Variants in WDPCP observed in about 807,000 individuals in gnomAD.
The protein encoded by WDPCP is WD repeat containing planar cell polarity effector.
A neutral mutation model predicts 93.1 loss-of-function variants in WDPCP; 71 were observed. The observed-to-expected ratio is 0.76, with a 90% CI of 0.63 to 0.93. The LOEUF is 0.93. WDPCP is among the 40% of genes least tolerant of loss of function. The probability of loss-of-function intolerance (pLI) is 0.00; values close to 1 mark genes in which losing one functional copy is unlikely to be tolerated. For missense variants in WDPCP, 844 were observed against 887.4 expected (o/e 0.95, Z 0.62); for synonymous variants, 315 against 315.0 (o/e 1.00, Z 0.00).
At chr2:63,433,500 TC>T (rs765292182) in intron 9 of WDPCP, among the ~76,000 whole-genome samples, 19 of 152,170 alleles carry the variant, frequency 1.2e-4, no homozygotes, top group Non-Finnish European at 2.1e-4. Flanking sequence ...AGTAACTTGG[TC>T]AAGGACAGGA....
chr2:63,417,640 G>A (rs35373261), intron 9 of WDPCP, among the ~76,000 whole-genome samples: 210 of 150,942 alleles, frequency 1.4e-3, no homozygotes, highest in Non-Finnish European at 2.4e-3. Context: ...TCTGCACAGG[G>A]AAATGTTTAT....
At chr2:63,577,947 T>C (rs1347803128) in intron 1 of WDPCP, among the ~76,000 whole-genome samples, 1 of 152,222 alleles carries the variant, frequency 6.6e-6, no homozygotes, top group South Asian at 2.1e-4. Context: ...ACAGGAAATC[T>C]TCAAAGGTAA....
At chr2:63,409,419 T>G (rs1450684921) in intron 9 of WDPCP, among the ~76,000 whole-genome samples, 1 of 152,100 alleles carries the variant, frequency 6.6e-6, no homozygotes, top group Non-Finnish European at 1.5e-5. Flanking sequence ...CCCTAGACCT[T>G]CCGTCTGACG....
chr2:63,266,846 G>A (rs528144961), intron 13 of WDPCP, among the ~76,000 whole-genome samples: 1 of 152,072 alleles, frequency 6.6e-6, no homozygotes, highest in East Asian at 1.9e-4. Context: ...ATAAATAAAT[G>A]GAAAGATATC....
chr2:63,470,039 C>T (rs948519374), intron 6 of WDPCP, among the ~76,000 whole-genome samples: 1 of 152,056 alleles, frequency 6.6e-6, no homozygotes, highest in Non-Finnish European at 1.5e-5. Context: ...TCCAGGACAC[C>T]ACACTCCCTT....
chr2:63,293,532 T>G (rs1684603920), intron 13 of WDPCP, among the ~76,000 whole-genome samples: 1 of 149,904 alleles, frequency 6.7e-6, no homozygotes, highest in Non-Finnish European at 1.5e-5. Context: ...GAGGAAAAAA[T>G]AAACAGAAAC....
intron 14 of WDPCP, among the ~76,000 whole-genome samples, chr2:63,178,073 C>T (rs985347136): frequency 2.0e-5 from 3 of 152,074 alleles, no homozygotes; most frequent in Non-Finnish European, 4.4e-5. Flanking sequence ...GTAAATTTTA[C>T]TTGATCATGG....
chr2:63,495,392 G>A (rs868696787), intron 1 of WDPCP, among the ~76,000 whole-genome samples: 1 of 152,114 alleles, frequency 6.6e-6, no homozygotes, highest in African/African-American at 2.4e-5. Context: ...TTAGTTTTAT[G>A]AGGCTTATTT....
chr2:63,617,551 G>A (rs262492), intron 3 of WDPCP, among the ~76,000 whole-genome samples: 122,987 of 152,104 alleles, frequency 0.81, 50,083 homozygotes, highest in East Asian at 0.98. Flanking sequence ...GAAAGGAATA[G>A]GGGTTTGGGG....
intron 10 of WDPCP, chr2:63,403,709 C>G (rs1028973183): frequency 5.4e-6 from 1 of 184,688 alleles, no homozygotes. Flanking sequence ...CAGAATTTTT[C>G]AATGGACAAA....
At chr2:63,321,660 G>A (rs1025617775) in intron 12 of WDPCP, among the ~76,000 whole-genome samples, 4 of 152,060 alleles carry the variant, frequency 2.6e-5, no homozygotes, top group Non-Finnish European at 5.9e-5. Context: ...ATTGTAGAGT[G>A]ACTTTCTTTG....
intron 2 of WDPCP, among the ~76,000 whole-genome samples, chr2:63,747,122 T>C (rs926598350): frequency 2.0e-5 from 3 of 152,136 alleles, no homozygotes; most frequent in African/African-American, 7.2e-5. Flanking sequence ...CCTGATAAAA[T>C]GTCTGGTCCT....
At chr2:63,311,504 G>A (rs924855517) in intron 13 of WDPCP, among the ~76,000 whole-genome samples, 2 of 152,146 alleles carry the variant, frequency 1.3e-5, no homozygotes, top group Non-Finnish European at 2.9e-5. Flanking sequence ...TATCAATAAA[G>A]TTATGTATGA....
At chr2:63,272,323 C>T (rs773096315) in intron 13 of WDPCP, among the ~76,000 whole-genome samples, 5 of 152,164 alleles carry the variant, frequency 3.3e-5, no homozygotes, top group Non-Finnish European at 5.9e-5. Context: ...ACCCAACCAA[C>T]ACTATAGATA....
At chr2:63,222,072 T>G (rs1029190722) in intron 14 of WDPCP, among the ~76,000 whole-genome samples, 1 of 152,190 alleles carries the variant, frequency 6.6e-6, no homozygotes, top group Non-Finnish European at 1.5e-5. Flanking sequence ...CCAGTGGTAG[T>G]ACTCTTGCAG....
At chr2:63,824,011 T>C (rs1040515717) in intron 1 of WDPCP, among the ~76,000 whole-genome samples, 1 of 151,990 alleles carries the variant, frequency 6.6e-6, no homozygotes, top group African/African-American at 2.4e-5. Flanking sequence ...CCTGTTGATA[T>C]TGTTTGGCTC....
intron 2 of WDPCP, among the ~76,000 whole-genome samples, chr2:63,722,228 C>T (rs1669427771): frequency 6.6e-6 from 1 of 151,104 alleles, no homozygotes; most frequent in Non-Finnish European, 1.5e-5. Context: ...CCTGGCTGCC[C>T]AGTCTGGAAA....
Position 63,660,904 on chromosome 2 carries a change from A to T in WDPCP, n.309-10066T>A, listed in dbSNP as rs7603952. Among the ~76,000 whole-genome samples the T allele has an allele frequency of 3.0e-4, 45 of 152,338 alleles. No homozygotes were observed. In the Middle Eastern group the frequency reaches 0.01, roughly 35 times the overall value. On this transcript the variant is annotated intron_variant and non_coding_transcript_variant, in intron 2 of 4. Coordinates refer to the WDPCP transcript ENST00000467687. ...TATTTTTTCCTTATCACTAAACATG[A>T]CCATTTAATGACATTATTTGATAAA...
In WDPCP at chr2:63,338,606, A is replaced by G. The variant is rs1162147771; in HGVS notation, c.1749-25295T>C. 3.4e-4 allele frequency among the ~76,000 whole-genome samples: 44 copies of G among 130,276 alleles called. 1 individual carries two copies. Among genetic ancestry groups the G allele is most frequent in the African/African-American group, 1.1e-3 (40 of 35,972 alleles). 85.5% of individuals were successfully genotyped at this position (130,276 alleles called of 152,430 possible). A position where few individuals can be genotyped will look rare whatever the true frequency, so the allele number is the denominator to read the frequency against. On this transcript the variant is annotated intron_variant, in intron 12 of 17. Coordinates refer to ENST00000272321, the MANE Select transcript of WDPCP (RefSeq NM_015910.7). ...TATATATATATATATATATATATAT[A>G]TATATATATATGGATAATTAGAAAA...
Sources: allele counts gnomAD v4.1 joint callset (sites outside exome capture counted in the v4.1 genomes callset), GRCh38; gene constraint gnomAD v4.1.1; transcripts MANE v1.5; gene names NCBI Gene and HGNC (gene_info 2026-07-23, HGNC 2026-07-21).